CARS2: variants seen among roughly 807,000 people sequenced by gnomAD.
The protein encoded by CARS2 is cysteinyl-tRNA synthetase 2, mitochondrial.
Under a neutral mutation model 68.8 loss-of-function variants are expected in CARS2, and 52 were observed. The observed-to-expected ratio is 0.76, with a 90% CI of 0.61 to 0.95. The LOEUF is 0.95. CARS2 is among the 40% of genes least tolerant of loss of function. The probability of loss-of-function intolerance (pLI) is 0.00; values close to 1 mark genes in which losing one functional copy is unlikely to be tolerated. For synonymous variants in CARS2, 314 were observed against 303.6 expected, an observed-to-expected ratio of 1.03 and a Z score of -0.36; for missense variants, 780 against 754.2, an observed-to-expected ratio of 1.03 and a Z score of -0.40.
At chr13:110,649,106 C>T (rs1167073051) in intron 10 of CARS2, 1 of 152,292 alleles carries the variant, frequency 6.6e-6, no homozygotes, top group African/African-American at 2.4e-5. Flanking sequence ...CCCGACTCTT[C>T]CTCTCACGGC....
intron 3 of CARS2, among the ~76,000 whole-genome samples, chr13:110,692,003 A>AAATAT (rs1555299926): frequency 1.6e-4 from 15 of 91,580 alleles, no homozygotes; most frequent in Admixed American, 6.2e-4. Context: ...AAAAAAAAAA[A>AAATAT]ATATATATAT....
intron 9 of CARS2, among the ~76,000 whole-genome samples, chr13:110,652,091 C>G (rs1165742292): frequency 6.6e-6 from 1 of 152,272 alleles, no homozygotes; most frequent in East Asian, 1.9e-4. Context: ...TGGCTCACCC[C>G]ATGCCTGTCC....
At chr13:110,706,944 C>G (rs572900037), upstream of CARS2, among the ~76,000 whole-genome samples, 11 of 150,972 alleles carry the variant, frequency 7.3e-5, no homozygotes, top group African/African-American at 2.7e-4. Context: ...AGTATGCACC[C>G]TAGCACACAC....
intron 3 of CARS2, 54 bp downstream of exon 3, chr13:110,701,384 G>T (rs577078221): frequency 2.2e-6 from 2 of 890,362 alleles, no homozygotes; most frequent in African/African-American, 3.3e-5. Flanking sequence ...TTCAGGAAGG[G>T]CTCAGAACAC....
At chr13:110,646,131 C>CA (rs1888084560) in intron 11 of CARS2, 41 bp from the exon 12 acceptor site, 4 of 1,593,180 alleles carry the variant, frequency 2.5e-6, no homozygotes, top group Non-Finnish European at 3.4e-6. Flanking sequence ...GAGGGAGCTC[C>CA]ACTCTCCCCA....
In CARS2 at chr13:110,670,198, T is replaced by C. The variant is rs1410018489; in HGVS notation, c.786-2725A>G. On this transcript the variant is annotated intron_variant, in intron 7 of 14. Transcript: ENST00000257347. This position sits in a 1 kb window ranked among gnomAD's most constrained non-coding sequence, Gnocchi z 4.1. ...ACTTAAACGTTCCTGACTGACAGCTTTGAAGAGTAGTGGTTCTCCCAGCAC... is the reference window on the plus strand; with the variant it reads ...ACTTAAACGTTCCTGACTGACAGCTCTGAAGAGTAGTGGTTCTCCCAGCAC... Among the ~76,000 whole-genome samples the C allele has an allele frequency of 1.3e-5, 2 of 152,130 alleles. No individual in the cohort carries two copies. Among genetic ancestry groups the C allele is most frequent in the Non-Finnish European group, 2.9e-5 (2 of 68,000 alleles).
At position 110,670,332 on chromosome 13, in the gene CARS2, C is replaced by G. The variant is rs1185895073; in HGVS notation, c.786-2859G>C. 6.6e-6 allele frequency among the ~76,000 whole-genome samples: 1 copy of G among 152,206 alleles called. No individual in the cohort carries two copies. Among genetic ancestry groups the G allele is most frequent in the Non-Finnish European group, 1.5e-5 (1 of 68,042 alleles). ...AGTAGGGGCTGACTGACACCTCATA[C>G]AGCCAGGTGCCCTCTGAGACGAAGC... On this transcript the variant is annotated intron_variant, in intron 7 of 14. Transcript: ENST00000257347. This position sits in a 1 kb window ranked among gnomAD's most constrained non-coding sequence, Gnocchi z 4.1.
intron 7 of CARS2, among the ~76,000 whole-genome samples, chr13:110,671,336 G>A (rs61970550): frequency 0.092 from 14,012 of 152,238 alleles, 840 homozygotes; most frequent in Middle Eastern, 0.14. Context: ...TACCCACAAA[G>A]GGAAGCCCAT....
chr13:110,684,594 T>C (rs1594361850), intron 5 of CARS2, among the ~76,000 whole-genome samples: 1 of 150,038 alleles, frequency 6.7e-6, no homozygotes, highest in Non-Finnish European at 1.5e-5. Context: ...GTGACCATTG[T>C]GCTCAGAAAA....
intron 3 of CARS2, among the ~76,000 whole-genome samples, chr13:110,698,521 A>G (rs1177375434): frequency 7.3e-6 from 1 of 136,120 alleles, no homozygotes; most frequent in Non-Finnish European, 1.5e-5. Flanking sequence ...ATTCTGTCTC[A>G]AAAAAAAAAA....
At chr13:110,709,999 G>A (rs1029123215), upstream of CARS2, among the ~76,000 whole-genome samples, 1 of 152,178 alleles carries the variant, frequency 6.6e-6, no homozygotes, top group African/African-American at 2.4e-5. Flanking sequence ...CAGAAGTAGA[G>A]TTGATTACGG....
rs569043158 is a variant in CARS2 at position 110,653,540 on chromosome 13, G to A, written c.988-2440C>T. On this transcript the variant is annotated intron_variant, in intron 9 of 14. Coordinates refer to ENST00000257347, the MANE Select transcript of CARS2 (RefSeq NM_024537.4). This position sits in a 1 kb window ranked among gnomAD's most constrained non-coding sequence, Gnocchi z 5.6. ...ACGCTCCCCACTTCATTCCAAAAAC[G>A]ATTTCACCTGGCTTTCTCTCAAAGG... 6.6e-6 allele frequency among the ~76,000 whole-genome samples: 1 copy of A among 152,130 alleles called. No individual in the cohort carries two copies. The highest frequency in any genetic ancestry group is 1.5e-5 in the Non-Finnish European group (1 of 68,036).
chr13:110,659,859 G>T (rs2062458569), intron 9 of CARS2, among the ~76,000 whole-genome samples: 2 of 152,146 alleles, frequency 1.3e-5, no homozygotes, highest in Non-Finnish European at 2.9e-5. Flanking sequence ...AGTTACTGTG[G>T]CAATTTCTTA....
At position 110,701,458 on chromosome 13, in the gene CARS2, T is replaced by C. The variant is rs774544603; in HGVS notation, c.373A>G (p.Ile125Val). Residue 125 changes from isoleucine (I) to valine (V), a missense_variant, in exon 3 of 15, where the codon ATC becomes GTC. Transcript: ENST00000257347. ...VMGITDVDDK[I>V]IKRANEMNIS... ...CTTACCTCATTGGCTCTTTTGATGA[T>C]TTTATCATCTACATCTGTAATACCC... 17 of 1,522,214 alleles carry C rather than the reference T, an allele frequency of 1.1e-5. No individual in the cohort carries two copies. The highest frequency in any genetic ancestry group is 1.4e-5 in the Non-Finnish European group (15 of 1,096,320). The allele number at this position is 1,522,214 out of a possible 1,614,324, so 94.3% of individuals were successfully genotyped here.
At chr13:110,642,212 A>C in intron 14 of CARS2, 103 bp downstream of exon 14, 1 of 922,350 alleles carries the variant, frequency 1.1e-6, no homozygotes, top group Non-Finnish European at 1.7e-6. Context: ...CGTCTCAAAA[A>C]AAAAGCATGG....
intron 11 of CARS2, 60 bp from the exon 12 acceptor site, chr13:110,646,150 C>T (rs1004633069): frequency 6.7e-5 from 103 of 1,546,622 alleles, no homozygotes; most frequent in Non-Finnish European, 8.5e-5. Flanking sequence ...CAGGCGGCCC[C>T]CACACCAGTC....
In CARS2 at chr13:110,642,530, A is replaced by G. The variant is rs1453472089; in HGVS notation, c.1417-9T>C. 23 of 1,609,048 alleles carry G rather than the reference A, an allele frequency of 1.4e-5. No individual in the cohort carries two copies. Among genetic ancestry groups the G allele is most frequent in the East Asian group, 2.2e-5 (1 of 44,752 alleles). On this transcript the variant is annotated splice_polypyrimidine_tract_variant and intron_variant, in intron 13 of 14. Transcript: ENST00000257347. The stretch of plus-strand genomic sequence containing the variant: ...CCGTCTCCTGAAACGTACTGAAGCC[A>G]GCAGGGCGCGGTTACGTCCCCCGGA...
intron 5 of CARS2, among the ~76,000 whole-genome samples, chr13:110,687,068 GTGTT>G (rs1314297424): frequency 6.6e-6 from 1 of 152,160 alleles, no homozygotes; most frequent in Non-Finnish European, 1.5e-5. Flanking sequence ...TGGAGGTACT[GTGTT>G]TGTCCCCAAC....
chr13:110,678,634 T>C (rs2063044482), intron 6 of CARS2, among the ~76,000 whole-genome samples: 1 of 152,190 alleles, frequency 6.6e-6, no homozygotes, highest in African/African-American at 2.4e-5. Flanking sequence ...TAACACCTTA[T>C]GCCGAAGGAA....
Sources: gnomAD v4.1 joint callset for allele counts (sites outside exome capture counted in the v4.1 genomes callset) on GRCh38, gnomAD v4.1.1 for gene constraint, Gnocchi (gnomAD v3.1) non-coding constraint, MANE v1.5 for transcripts, NCBI Gene and HGNC (gene_info 2026-07-23, HGNC 2026-07-21) for gene names.